Variants in MINDY2 observed in about 807,000 individuals in gnomAD.
MINDY2 encodes the protein ubiquitin carboxyl-terminal hydrolase MINDY-2.
Under a neutral mutation model 68.2 loss-of-function variants are expected in MINDY2, and 52 were observed. The observed-to-expected ratio is 0.76, with a 90% CI of 0.61 to 0.96. MINDY2 has a LOEUF of 0.96. Ranked by LOEUF, MINDY2 falls within the 40% of genes least tolerant of loss-of-function variation. The pLI is 0.00. For missense variants in MINDY2, 881 were observed against 773.4 expected (o/e 1.14, Z -1.65); for synonymous variants, 372 against 303.0 (o/e 1.23, Z -2.36).
intron 7 of MINDY2, among the ~76,000 whole-genome samples, chr15:58,849,641 CAG>C (rs1253422916): frequency 6.6e-6 from 1 of 152,172 alleles, no homozygotes; most frequent in Non-Finnish European, 1.5e-5. Context: ...TCATAAAGAG[CAG>C]AGTTTGAAGA....
chr15:58,781,631 G>A (rs1267585995), intron 1 of MINDY2, among the ~76,000 whole-genome samples: 4 of 151,974 alleles, frequency 2.6e-5, no homozygotes, highest in Admixed American at 6.6e-5. Context: ...GTGGCGAAGC[G>A]CAGTGGCTCA....
intron 1 of MINDY2, among the ~76,000 whole-genome samples, chr15:58,781,055 A>G (rs565918729): frequency 2.0e-5 from 3 of 150,406 alleles, no homozygotes; most frequent in South Asian, 4.2e-4. Context: ...TTACTAGTTA[A>G]TTTTTTTTTT....
At chr15:58,798,318 G>A (rs1430453121) in intron 2 of MINDY2, among the ~76,000 whole-genome samples, 1 of 148,794 alleles carries the variant, frequency 6.7e-6, no homozygotes, top group East Asian at 2.0e-4. Flanking sequence ...GTAGAGATGG[G>A]ATTTGTCTAT....
At position 58,855,061 on chromosome 15, in the gene MINDY2, A is replaced by G. The variant is rs2033014584; in HGVS notation, c.*451A>G. 6.5e-6 allele frequency: 1 copy of G among 153,654 alleles called. No homozygotes were observed. Among genetic ancestry groups the G allele is most frequent in the Non-Finnish European group, 1.5e-5 (1 of 68,692 alleles). 9.5% of individuals were successfully genotyped at this position (153,654 alleles called of 1,614,324 possible). ...TAAATTATGATCTAATTCATGAGAA[A>G]CCACGGGTTTAACATAGGGATTCAA... On this transcript the variant is annotated 3_prime_UTR_variant, in exon 9 of 9. Transcript: ENST00000559228.
chr15:58,773,685 A>G (rs1370239103), intron 1 of MINDY2, among the ~76,000 whole-genome samples: 10 of 152,098 alleles, frequency 6.6e-5, no homozygotes, highest in African/African-American at 2.4e-4. Context: ...GTCTTGAACC[A>G]ATCTTTTTTT....
chr15:58,802,652 A>G (rs1464482592), intron 3 of MINDY2, among the ~76,000 whole-genome samples: 2 of 151,502 alleles, frequency 1.3e-5, no homozygotes, highest in Admixed American at 1.3e-4. Context: ...ATTCCATGAG[A>G]GATCAAACCT....
At chr15:58,791,220 TATATATATATATATATA>T (rs1901878997) in intron 2 of MINDY2, among the ~76,000 whole-genome samples, 1 of 17,462 alleles carries the variant, frequency 5.7e-5, no homozygotes, top group Admixed American at 7.2e-4. Flanking sequence ...CAATTTTATA[TATATATATATATATATA>T]TATATATATA....
chr15:58,816,699 CAAAA>C (rs2030709868), intron 4 of MINDY2, among the ~76,000 whole-genome samples: 1 of 152,128 alleles, frequency 6.6e-6, no homozygotes, highest in Non-Finnish European at 1.5e-5. Context: ...ATCCTTTAAA[CAAAA>C]GGTTCTAAGA....
Position 58,847,327 on chromosome 15 carries a change from G to A in MINDY2, c.1399G>A (p.Gly467Arg). ...ACTGTATTTGTTGGTAACGGACCAG[G>A]GGTTTCTTACTGAAGAGAAAGTTGT... ...GQLYLLVTDQGFLTEEKVVWE... is the reference protein window; with the variant it reads ...GQLYLLVTDQRFLTEEKVVWE... Residue 467 changes from glycine to arginine, a missense_variant, in exon 7 of 9, where the codon GGG (glycine) becomes AGG (arginine). Coordinates refer to ENST00000559228, the MANE Select transcript of MINDY2 (RefSeq NM_001040450.3). 1 of 1,586,948 alleles carries A rather than the reference G, an allele frequency of 6.3e-7. No individual in the cohort carries two copies. The highest frequency in any genetic ancestry group is 8.6e-7 in the Non-Finnish European group (1 of 1,159,224).
chr15:58,778,288 G>A (rs1900903322), intron 1 of MINDY2, among the ~76,000 whole-genome samples: 1 of 152,040 alleles, frequency 6.6e-6, no homozygotes, highest in Non-Finnish European at 1.5e-5. Context: ...AATTTAAGAT[G>A]CTGGAAACAC....
intron 6 of MINDY2, among the ~76,000 whole-genome samples, chr15:58,841,045 G>T (rs1468455503): frequency 6.6e-6 from 1 of 150,610 alleles, no homozygotes; most frequent in Non-Finnish European, 1.5e-5. Flanking sequence ...GCAGTGGCAT[G>T]ATCTTGGCTC....
rs927202922 is a variant in MINDY2, at chr15:58,859,583, T to A, written c.*4973T>A. 1 of 152,194 alleles carries A rather than the reference T, an allele frequency of 6.6e-6. No homozygotes were observed. The highest frequency in any genetic ancestry group is 1.5e-5 in the Non-Finnish European group (1 of 68,022). 9.4% of individuals were successfully genotyped at this position (152,194 alleles called of 1,614,324 possible). ...TTGAGAAAACATGAAGAATTGAGGT[T>A]ACTCTTCTCAGGTGACACTTTAAAT... On this transcript the variant is annotated 3_prime_UTR_variant, in exon 9 of 9. Transcript: ENST00000559228.
At chr15:58,776,626 A>G (rs1287350612) in intron 1 of MINDY2, among the ~76,000 whole-genome samples, 2 of 152,186 alleles carry the variant, frequency 1.3e-5, no homozygotes, top group South Asian at 2.1e-4. Flanking sequence ...TCAGGATAAC[A>G]TGGAATCCTC....
chr15:58,818,037 C>T (rs1435699293), intron 4 of MINDY2, among the ~76,000 whole-genome samples: 1 of 152,190 alleles, frequency 6.6e-6, no homozygotes, highest in Non-Finnish European at 1.5e-5. Flanking sequence ...ATGGTATATT[C>T]TATGGAATAC....
intron 2 of MINDY2, among the ~76,000 whole-genome samples, chr15:58,799,882 A>C (rs1338521481): frequency 3.9e-5 from 6 of 152,222 alleles, no homozygotes; most frequent in Non-Finnish European, 5.9e-5. Context: ...AATGGGCAGG[A>C]ATATGAAACT....
intron 2 of MINDY2, among the ~76,000 whole-genome samples, chr15:58,794,886 A>G (rs1296453785): frequency 1.3e-5 from 2 of 152,100 alleles, no homozygotes; most frequent in Non-Finnish European, 2.9e-5. Context: ...TAAAAATGGT[A>G]TTTAAATCTG....
In MINDY2 at chr15:58,772,088, G is replaced by A. The variant is rs1341480195; in HGVS notation, c.693G>A (p.Ala231=). The change falls in exon 1 of 9, where the codon GCG becomes GCA. Residue 231 remains alanine, a synonymous_variant. Transcript: ENST00000559228. ...EEGEETAQVL[A]ASKERFPGQS... ...GGGAGGAGACCGCTCAGGTGCTGGCGGCCTCCAAGGAACGCTTCCCGGGAC... is the reference window on the plus strand; with the variant it reads ...GGGAGGAGACCGCTCAGGTGCTGGCAGCCTCCAAGGAACGCTTCCCGGGAC... 6.2e-6 allele frequency: 10 copies of A among 1,613,592 alleles called. No homozygotes were observed. Among genetic ancestry groups the A allele is most frequent in the East Asian group, 2.2e-5 (1 of 44,888 alleles).
rs1327472531 is a variant in MINDY2 at position 58,771,983 on chromosome 15, A to G, written c.588A>G (p.Gly196=). The change falls in exon 1 of 9, where the codon GGA becomes GGG. Residue 196 remains glycine, a synonymous_variant. Coordinates refer to ENST00000559228, the MANE Select transcript of MINDY2 (RefSeq NM_001040450.3). ...PSSCEFNSEE[G]AENRVPEEEE... ...GCTGCGAGTTCAATAGTGAGGAGGG[A>G]GCGGAGAACAGGGTCCCTGAGGAGG... The G allele has an allele frequency of 6.3e-7, 1 of 1,581,640 alleles. No individual in the cohort carries two copies. The highest frequency in any genetic ancestry group is 1.2e-5 in the South Asian group (1 of 84,964).
chr15:58,793,296 C>T lies in MINDY2; in HGVS notation c.898+5333C>T, dbSNP rs185373674. 2.0e-3 allele frequency among the ~76,000 whole-genome samples: 298 copies of T among 151,672 alleles called. 1 individual carries two copies. Among genetic ancestry groups the T allele is most frequent in the African/African-American group, 7.0e-3 (289 of 41,404 alleles). ...CAAAACCCCGTCTCTACTAAAAATA[C>T]AAAAAATTAGTCGGGTGTGGTGGCA... On this transcript the variant is annotated intron_variant, in intron 2 of 8. Coordinates refer to ENST00000559228, the MANE Select transcript of MINDY2 (RefSeq NM_001040450.3).
Sources: gnomAD v4.1 joint callset for allele counts (sites outside exome capture counted in the v4.1 genomes callset) on GRCh38, gnomAD v4.1.1 for gene constraint, MANE v1.5 for transcripts, NCBI Gene and HGNC (gene_info 2026-07-23, HGNC 2026-07-21) for gene names.